Variants in TNPO2 observed in about 807,000 individuals in gnomAD.
TNPO2 encodes transportin 2, also known as transportin-2.
TNPO2 carries 16 observed loss-of-function variants against 111.1 expected under a neutral mutation model. That is an observed-to-expected ratio of 0.14 (90% CI 0.10 to 0.22). The LOEUF (loss-of-function observed/expected upper bound fraction) is 0.22, where lower values mean the gene tolerates loss of function less well. TNPO2 is among the 10% of genes least tolerant of loss of function. The pLI is 1.00. For synonymous variants in TNPO2, 481 were observed against 475.8 expected (o/e 1.01, Z -0.14); for missense variants, 530 against 1,173.7 (o/e 0.45, Z 8.01).
Position 12,721,969 on chromosome 19 carries a change from C to G in TNPO2, c.-13-979G>C, listed in dbSNP as rs957732311. Among the ~76,000 whole-genome samples, 4 of 151,636 alleles carry G rather than the reference C, an allele frequency of 2.6e-5. No homozygotes were observed. Among genetic ancestry groups the G allele is most frequent in the Non-Finnish European group, 5.9e-5 (4 of 67,892 alleles). ...GGGCATTCCCCTCAACGGATCCCAG[C>G]AACGCCTCGAAGTCAGATCCAAGAA... On this transcript the variant is annotated intron_variant, in intron 2 of 25. Coordinates refer to ENST00000425528, the MANE Select transcript of TNPO2 (RefSeq NM_001382241.1). This position sits in a 1 kb window ranked among gnomAD's most constrained non-coding sequence, Gnocchi z 4.9.
Position 12,719,048 on chromosome 19 carries a change from C to G in TNPO2, c.306G>C (p.Ser102=), listed in dbSNP as rs1045020717. 2 of 1,613,814 alleles carry G rather than the reference C, an allele frequency of 1.2e-6. No individual in the cohort carries two copies. The highest frequency in any genetic ancestry group is 4.5e-5 in the East Asian group (2 of 44,878). Residue 102 remains serine, a synonymous_variant, in exon 5 of 26, where the codon TCG becomes TCC. Transcript: ENST00000425528. This position sits in a 1 kb window ranked among gnomAD's most constrained non-coding sequence, Gnocchi z 5.0. The part of the protein sequence containing the change: ...ECLNNIGDAS[S]LIRATIGILI... ...TCTCACCAATGGTGGCTCGGATGAG[C>G]GAGGAGGCATCGCCAATGTTGTTGA...
intron 13 of TNPO2, among the ~76,000 whole-genome samples, chr19:12,707,544 C>T (rs1461211028): frequency 8.3e-6 from 1 of 119,898 alleles, no homozygotes; most frequent in Admixed American, 1.2e-4. Context: ...GGCTAGAGTG[C>T]AGTGGTGTGA....
At chr19:12,722,624 G>A (rs570973624) in intron 2 of TNPO2, 6 of 150,384 alleles carry the variant, frequency 4.0e-5, no homozygotes, top group East Asian at 3.9e-4. Context: ...GCGGCCGTAG[G>A]TGAGCCGCCG....
chr19:12,701,029 TCCC>T lies in TNPO2; in HGVS notation c.*232_*234del. 1 of 302,056 alleles carries T rather than the reference TCCC, an allele frequency of 3.3e-6. No homozygotes were observed. The highest frequency in any genetic ancestry group is 6.2e-6 in the Non-Finnish European group (1 of 161,856). 18.7% of individuals were successfully genotyped at this position (302,056 alleles called of 1,614,324 possible). ...CCCAGGGGCCCTTGCCCACCAGAAG[TCCC>T]CCCCACCTCCCCGTTTGTAGGATGA... On this transcript the variant is annotated 3_prime_UTR_variant, in exon 26 of 26. Transcript: ENST00000425528. This position sits in a 1 kb window ranked among gnomAD's most constrained non-coding sequence, Gnocchi z 5.0.
chr19:12,720,804 C>G, intron 3 of TNPO2, 75 bp downstream of exon 3: 2 of 1,505,462 alleles, frequency 1.3e-6, no homozygotes, highest in South Asian at 2.5e-5. Flanking sequence ...GTCAGTCCCT[C>G]TCTTTCTCTC....
At chr19:12,703,089 C>T in intron 20 of TNPO2, 171 bp from the exon 21 acceptor site, 1 of 622,966 alleles carries the variant, frequency 1.6e-6, no homozygotes, top group Non-Finnish European at 2.8e-6. Context: ...AATCCCTGGC[C>T]AACCAGGGAC....
Position 12,721,333 on chromosome 19 carries a change from T to C in TNPO2, c.-13-343A>G. 1 of 1,273,402 alleles carries C rather than the reference T, an allele frequency of 7.9e-7. No homozygotes were observed. 78.9% of individuals were successfully genotyped at this position (1,273,402 alleles called of 1,614,324 possible). On this transcript the variant is annotated intron_variant, in intron 2 of 25. Transcript: ENST00000425528. This position sits in a 1 kb window ranked among gnomAD's most constrained non-coding sequence, Gnocchi z 4.9. ...CCGAGCCCGAAGGCTTCCACCTCCCTCGCAGCGGCTGGGCGAGGGCCCAGC... is the reference window on the plus strand; with the variant it reads ...CCGAGCCCGAAGGCTTCCACCTCCCCCGCAGCGGCTGGGCGAGGGCCCAGC...
At chr19:12,712,189 G>A (rs2026095431) in intron 10 of TNPO2, among the ~76,000 whole-genome samples, 1 of 152,240 alleles carries the variant, frequency 6.6e-6, no homozygotes, top group Non-Finnish European at 1.5e-5. Context: ...CTTCTGTTAT[G>A]CCCGGACAGG....
chr19:12,723,154 A>G (rs1599434655), intron 2 of TNPO2, 95 bp downstream of exon 2: 1 of 152,340 alleles, frequency 6.6e-6, no homozygotes, highest in East Asian at 1.9e-4. Context: ...TAGTTTTTAC[A>G]AGGAGATGAA....
Position 12,706,393 on chromosome 19 carries a change from G to A in TNPO2, c.1497-26C>T, listed in dbSNP as rs1599411501. 2.5e-6 allele frequency: 4 copies of A among 1,613,842 alleles called. No homozygotes were observed. The highest frequency in any genetic ancestry group is 1.7e-6 in the Non-Finnish European group (2 of 1,179,952). On this transcript the variant is annotated intron_variant, in intron 14 of 25. Coordinates refer to ENST00000425528, the MANE Select transcript of TNPO2 (RefSeq NM_001382241.1). The surrounding 1 kb of genome is among the most constrained non-coding windows in gnomAD (Gnocchi z 7.0). ...CTGGTGGGAGGGAGGATGAAGCGGGGGCTCAGTGGACCATGGCAGGTGACA... is the reference window on the plus strand; with the variant it reads ...CTGGTGGGAGGGAGGATGAAGCGGGAGCTCAGTGGACCATGGCAGGTGACA...
chr19:12,711,212 G>T, intron 12 of TNPO2, 84 bp downstream of exon 12: 1 of 1,539,334 alleles, frequency 6.5e-7, no homozygotes, highest in Non-Finnish European at 8.8e-7. Flanking sequence ...CTTCTAATCA[G>T]CTTCTGCCTC....
intron 20 of TNPO2, 83 bp from the exon 21 acceptor site, chr19:12,703,001 GC>G: frequency 1.6e-6 from 2 of 1,238,266 alleles, no homozygotes; most frequent in Non-Finnish European, 2.3e-6. Context: ...CTCACTACTC[GC>G]CCCAGTTCCA....
At chr19:12,718,824 C>T (rs968700978) in intron 5 of TNPO2, among the ~76,000 whole-genome samples, 1 of 152,220 alleles carries the variant, frequency 6.6e-6, no homozygotes, top group African/African-American at 2.4e-5. Flanking sequence ...TGGCCCTGCA[C>T]TGCCTCAGCT....
In TNPO2 at chr19:12,707,831, AT is replaced by A. The variant is rs2025788456; in HGVS notation, c.1271-1037del. ...TTTAATTTTTTAATTTATTATTATT[AT>A]TTTTTTGAGACGGAGTCTTGCTCTG... On this transcript the variant is annotated intron_variant, in intron 13 of 25. Coordinates refer to ENST00000425528, the MANE Select transcript of TNPO2 (RefSeq NM_001382241.1). 2.1e-5 allele frequency among the ~76,000 whole-genome samples: 3 copies of A among 144,920 alleles called. No homozygotes were observed. The East Asian group carries it at 6.4e-4, about 31-fold the overall frequency.
chr19:12,701,910 G>A lies in TNPO2; in HGVS notation c.2412-59C>T. On this transcript the variant is annotated intron_variant, in intron 22 of 25. Coordinates refer to ENST00000425528, the MANE Select transcript of TNPO2 (RefSeq NM_001382241.1). The surrounding 1 kb of genome is among the most constrained non-coding windows in gnomAD (Gnocchi z 5.0). ...CAGGCTGGGCATGCATCTGTGGAGG[G>A]CTGGGTCACTGGGGATCAGTGAGTG... 6.6e-7 allele frequency: 1 copy of A among 1,517,380 alleles called. No individual in the cohort carries two copies. Among genetic ancestry groups the A allele is most frequent in the Non-Finnish European group, 9.1e-7 (1 of 1,094,532 alleles). The allele number at this position is 1,517,380 out of a possible 1,614,324, so 94.0% of individuals were successfully genotyped here. A position where few individuals can be genotyped will look rare whatever the true frequency, so the allele number is the denominator to read the frequency against.
At chr19:12,711,136 C>T (rs1050429624) in intron 12 of TNPO2, 160 bp downstream of exon 12, 5 of 893,020 alleles carry the variant, frequency 5.6e-6, no homozygotes, top group African/African-American at 1.7e-5. Context: ...CCTCGTGATC[C>T]GCCCGCCTCA....
chr19:12,715,675 C>T lies in TNPO2; in HGVS notation c.390G>A (p.Gln130=). 6.2e-7 allele frequency: 1 copy of T among 1,613,758 alleles called. No individual in the cohort carries two copies. Among genetic ancestry groups the T allele is most frequent in the Non-Finnish European group, 8.5e-7 (1 of 1,179,802 alleles). ...ELQMWPELLP[Q]LCNLLNSEDY... ...CCTCCGAGTTAAGCAGGTTGCAGAG[C>T]TGGGGCAGCAGCTCGGGCCACATCT... The change falls in exon 6 of 26, where the codon CAG becomes CAA. Residue 130 remains glutamine (Q), a synonymous_variant. Coordinates refer to ENST00000425528, the MANE Select transcript of TNPO2 (RefSeq NM_001382241.1). The surrounding 1 kb of genome is among the most constrained non-coding windows in gnomAD (Gnocchi z 7.1).
Position 12,719,023 on chromosome 19 carries a change from T to C in TNPO2, c.325+6A>G, listed in dbSNP as rs1599429266. On this transcript the variant is annotated splice_donor_region_variant and intron_variant, in intron 5 of 25. Transcript: ENST00000425528. This position sits in a 1 kb window ranked among gnomAD's most constrained non-coding sequence, Gnocchi z 5.0. ...CTCAGAGGCCAACCCCCGCTGCCCC[T>C]CTCACCAATGGTGGCTCGGATGAGC... 1 of 1,612,094 alleles carries C rather than the reference T, an allele frequency of 6.2e-7. No homozygotes were observed. The highest frequency in any genetic ancestry group is 2.3e-5 in the East Asian group (1 of 43,668).
At position 12,721,221 on chromosome 19, in the gene TNPO2, A is replaced by AGGC. The variant is rs753895444; in HGVS notation, c.-13-234_-13-232dup. 4.0e-4 allele frequency: 540 copies of AGGC among 1,342,112 alleles called. 1 individual carries two copies. In the Middle Eastern group the frequency reaches 9.2e-3, roughly 23 times the overall value. The allele number at this position is 1,342,112 out of a possible 1,614,324, so 83.1% of individuals were successfully genotyped here. On this transcript the variant is annotated intron_variant, in intron 2 of 25. Coordinates refer to ENST00000425528, the MANE Select transcript of TNPO2 (RefSeq NM_001382241.1). This position sits in a 1 kb window ranked among gnomAD's most constrained non-coding sequence, Gnocchi z 4.9. ...GAGGGGGGATGTGGAAACGGGCCAC[A>AGGC]GGCGGCGGCGGCGGGGCCCGGCGGA...
Sources: allele counts gnomAD v4.1 joint callset (sites outside exome capture counted in the v4.1 genomes callset), GRCh38; gene constraint gnomAD v4.1.1; non-coding constraint Gnocchi (gnomAD v3.1); transcripts MANE v1.5; gene names NCBI Gene and HGNC (gene_info 2026-07-23, HGNC 2026-07-21).